FLYWCH2: variants seen among roughly 807,000 people sequenced by gnomAD.
FLYWCH2 encodes FLYWCH family member 2.
In FLYWCH2, 2 loss-of-function variants were observed where a neutral mutation model predicts 6.0. That is an observed-to-expected ratio of 0.33 (90% CI 0.14 to 1.04). FLYWCH2 has a LOEUF of 1.04. Among genes scored for constraint, FLYWCH2 ranks in the 50% least tolerant of loss-of-function variants. The probability of loss-of-function intolerance (pLI) is 0.45; values close to 1 mark genes in which losing one functional copy is unlikely to be tolerated. For synonymous variants in FLYWCH2, 87 were observed against 79.3 expected, an observed-to-expected ratio of 1.10 and a Z score of -0.52; for missense variants, 192 against 183.4, an observed-to-expected ratio of 1.05 and a Z score of -0.27.
chr16:2,896,386 GAGTAGGAGA>G lies in FLYWCH2; in HGVS notation c.-62_-54del. On this transcript the variant is annotated 5_prime_UTR_variant, in exon 3 of 4. Transcript: ENST00000396958. Reference sequence around the variant, plus strand: ...GCTGGACTCCAGGTTCCTTGCCTGGGAGTAGGAGAAATCCACCTGCTGGGGGCTGAGTGT... The same window carrying G: ...GCTGGACTCCAGGTTCCTTGCCTGGGAATCCACCTGCTGGGGGCTGAGTGT... 6.6e-7 allele frequency: 1 copy of G among 1,524,622 alleles called. No homozygotes were observed. The highest frequency in any genetic ancestry group is 8.8e-7 in the Non-Finnish European group (1 of 1,141,988). The allele number at this position is 1,524,622 out of a possible 1,614,324, so 94.4% of individuals were successfully genotyped here.
rs777160562 is a variant in FLYWCH2, at chr16:2,896,619, C to T, written c.170C>T (p.Ala57Val). Residue 57 changes from alanine to valine, a missense_variant, in exon 3 of 4, where the codon GCC (alanine) becomes GTC (valine). Physicochemically the swap from Ala to Val is moderately conservative, Grantham distance 64. Coordinates refer to ENST00000396958, the MANE Select transcript of FLYWCH2 (RefSeq NM_138439.3). ...ASKDSTKVAG[A>V]KRKGVHCVMS... ...AAAGACAGCACCAAGGTGGCGGGGG[C>T]CAAGCGCAAGGGTGTGCACTGTGTC... 1 of 1,614,012 alleles carries T rather than the reference C, an allele frequency of 6.2e-7. No individual in the cohort carries two copies. The highest frequency in any genetic ancestry group is 1.1e-5 in the South Asian group (1 of 91,090).
chr16:2,892,983 T>C (rs2069776412), intron 1 of FLYWCH2, among the ~76,000 whole-genome samples: 2 of 136,588 alleles, frequency 1.5e-5, no homozygotes, highest in Non-Finnish European at 3.2e-5. Context: ...ATATATTATA[T>C]ATGTCACATA....
chr16:2,891,528 C>T (rs1048586824), intron 1 of FLYWCH2, among the ~76,000 whole-genome samples: 2 of 152,068 alleles, frequency 1.3e-5, no homozygotes, highest in South Asian at 2.1e-4. Context: ...CCTCAGCCTC[C>T]GGAGTAGCCG....
At chr16:2,887,245 AAGCAATCCTTCCACCTC>A (rs764660860) in intron 1 of FLYWCH2, among the ~76,000 whole-genome samples, 5 of 151,494 alleles carry the variant, frequency 3.3e-5, no homozygotes, top group Non-Finnish European at 7.4e-5. Flanking sequence ...CCACTGGCTT[AAGCAATCCTTCCACCTC>A]AGCTTCCCAA....
chr16:2,886,673 C>T (rs1207036110), intron 1 of FLYWCH2, among the ~76,000 whole-genome samples: 1 of 150,606 alleles, frequency 6.6e-6, no homozygotes, highest in Non-Finnish European at 1.5e-5. Flanking sequence ...AGGCATGTGC[C>T]ACCAAGCTTG....
chr16:2,896,588 G>T lies in FLYWCH2; in HGVS notation c.139G>T (p.Ala47Ser), dbSNP rs757274726. Residue 47 changes from alanine to serine, a missense_variant, in exon 3 of 4, where the codon GCC becomes TCC. Coordinates refer to ENST00000396958, the MANE Select transcript of FLYWCH2 (RefSeq NM_138439.3). ...GTTCTCCAAACTGGTCCTGCTCACA[G>T]CCTCCAAAGACAGCACCAAGGTGGC... ...RKFSKLVLLTASKDSTKVAGA... is the reference protein window; with the variant it reads ...RKFSKLVLLTSSKDSTKVAGA... The T allele has an allele frequency of 6.2e-7, 1 of 1,614,178 alleles. No homozygotes were observed. Among genetic ancestry groups the T allele is most frequent in the Admixed American group, 1.7e-5 (1 of 60,026 alleles).
At chr16:2,890,773 G>C (rs2069748575) in intron 1 of FLYWCH2, among the ~76,000 whole-genome samples, 2 of 152,016 alleles carry the variant, frequency 1.3e-5, no homozygotes, top group African/African-American at 4.8e-5. Context: ...AGCCATGTTA[G>C]CCAGGCTGAT....
chr16:2,897,202 C>T (rs771118652), intron 3 of FLYWCH2, among the ~76,000 whole-genome samples: 5 of 152,178 alleles, frequency 3.3e-5, no homozygotes, highest in African/African-American at 1.2e-4. Flanking sequence ...TAGTAACATC[C>T]ACTGAACAGC....
intron 1 of FLYWCH2, among the ~76,000 whole-genome samples, chr16:2,885,110 C>T (rs1486669393): frequency 3.3e-5 from 5 of 152,154 alleles, no homozygotes; most frequent in Non-Finnish European, 2.9e-5. Context: ...ATCACGAGGT[C>T]AGGAGATCGA....
chr16:2,887,286 C>A (rs975898608), intron 1 of FLYWCH2, among the ~76,000 whole-genome samples: 5 of 149,568 alleles, frequency 3.3e-5, no homozygotes, highest in African/African-American at 9.9e-5. Context: ...GCTGGGACCA[C>A]GGGTGCACAC....
Position 2,899,131 on chromosome 16 carries a change from G to T in FLYWCH2, c.405G>T (p.Ala135=). 6.2e-7 allele frequency: 1 copy of T among 1,613,034 alleles called. No homozygotes were observed. The highest frequency in any genetic ancestry group is 8.5e-7 in the Non-Finnish European group (1 of 1,179,544). ...AGENFAPCSV[A]PGKSL The stretch of plus-strand genomic sequence containing the variant: ...AGAACTTTGCCCCCTGCTCTGTGGC[G>T]CCCGGCAAGTCCCTGTAACCTTGAC... Residue 135 remains alanine (A), a synonymous_variant, in exon 4 of 4, where the codon GCG becomes GCT. Transcript: ENST00000396958.
rs1311105654 is a variant in FLYWCH2, at chr16:2,899,183, AC to A, written c.*37del. The A allele has an allele frequency of 1.3e-6, 2 of 1,540,196 alleles. No homozygotes were observed. Among genetic ancestry groups the A allele is most frequent in the Non-Finnish European group, 1.8e-6 (2 of 1,123,696 alleles). ...ACAGGCGCATCCTCCCAGGCCACCA[AC>A]CCAGCCATAGGCTCTTCTCTGTCCG... On this transcript the variant is annotated 3_prime_UTR_variant, in exon 4 of 4. Transcript: ENST00000396958.
At chr16:2,890,097 G>A (rs139259087) in intron 1 of FLYWCH2, among the ~76,000 whole-genome samples, 1 of 138,252 alleles carries the variant, frequency 7.2e-6, no homozygotes, top group South Asian at 2.2e-4. Context: ...AAAGAAAAAA[G>A]AAAACTAACC....
chr16:2,889,428 T>A (rs1229192641), intron 1 of FLYWCH2, among the ~76,000 whole-genome samples: 1 of 151,840 alleles, frequency 6.6e-6, no homozygotes, highest in African/African-American at 2.4e-5. Flanking sequence ...GCCAGGATGG[T>A]CTCAATCTCC....
intron 1 of FLYWCH2, among the ~76,000 whole-genome samples, chr16:2,883,961 A>G (rs755847888): frequency 6.6e-6 from 1 of 152,184 alleles, no homozygotes; most frequent in Non-Finnish European, 1.5e-5. Flanking sequence ...TGCACACCTT[A>G]GAGTAGCAGT....
In FLYWCH2 at chr16:2,899,250, C is replaced by T. The variant is rs779571797; in HGVS notation, c.*101C>T. ...CAAATGGGTGAATCTTTGCTTTTAA[C>T]ATTGTGTGATTTCTTTTCTTTTTTT... On this transcript the variant is annotated 3_prime_UTR_variant, in exon 4 of 4. Coordinates refer to ENST00000396958, the MANE Select transcript of FLYWCH2 (RefSeq NM_138439.3). 7.3e-6 allele frequency: 4 copies of T among 548,484 alleles called. No homozygotes were observed. Among genetic ancestry groups the T allele is most frequent in the South Asian group, 2.9e-5 (1 of 34,082 alleles). The allele number at this position is 548,484 out of a possible 1,614,324, so 34.0% of individuals were successfully genotyped here.
At chr16:2,889,612 A>T (rs2069734230) in intron 1 of FLYWCH2, among the ~76,000 whole-genome samples, 1 of 152,114 alleles carries the variant, frequency 6.6e-6, no homozygotes, top group African/African-American at 2.4e-5. Flanking sequence ...CTGTGATAAA[A>T]TAGTTAATGT....
intron 1 of FLYWCH2, among the ~76,000 whole-genome samples, chr16:2,883,705 G>C (rs1311237021): frequency 6.6e-6 from 1 of 152,254 alleles, no homozygotes; most frequent in African/African-American, 2.4e-5. Context: ...AGCTCGGGAG[G>C]TCCCTGCAGG....
At position 2,899,092 on chromosome 16, in the gene FLYWCH2, T is replaced by C. The variant is rs750935692; in HGVS notation, c.366T>C (p.Pro122=). 7.4e-6 allele frequency: 12 copies of C among 1,613,648 alleles called. No homozygotes were observed. Among genetic ancestry groups the C allele is most frequent in the Non-Finnish European group, 1.0e-5 (12 of 1,179,884 alleles). ...ACAGTGGATTAGCAGCGGGGCCTCC[T>C]GAGGCTGCTGGGGAGAACTTTGCCC... ...TEDSGLAAGP[P]EAAGENFAPC... The change falls in exon 4 of 4, where the codon CCT becomes CCC. Residue 122 remains proline (P), a synonymous_variant. Coordinates refer to ENST00000396958, the MANE Select transcript of FLYWCH2 (RefSeq NM_138439.3).
Sources: gnomAD v4.1 joint callset for allele counts (sites outside exome capture counted in the v4.1 genomes callset) on GRCh38, gnomAD v4.1.1 for gene constraint, MANE v1.5 for transcripts, NCBI Gene and HGNC (gene_info 2026-07-23, HGNC 2026-07-21) for gene names.